PLD5: variants seen among roughly 807,000 people sequenced by gnomAD.
The protein encoded by PLD5 is phospholipase D family member 5, also known as inactive phospholipase D5.
PLD5 carries 36 observed loss-of-function variants against 61.1 expected under a neutral mutation model. The observed-to-expected ratio is 0.59, with a 90% confidence interval of 0.45 to 0.78. PLD5 has a LOEUF of 0.78. Ranked by LOEUF, PLD5 falls within the 30% of genes least tolerant of loss-of-function variation. The pLI is 0.00. For missense variants in PLD5, 515 were observed against 644.4 expected (o/e 0.80, Z 2.17); for synonymous variants, 243 against 242.8 (o/e 1.00, Z -0.01).
chr1:242,284,992 G>A (rs1674936296), intron 3 of PLD5, among the ~76,000 whole-genome samples: 4 of 152,208 alleles, frequency 2.6e-5, no homozygotes, highest in Admixed American at 1.3e-4. Context: ...TTAGGGAGAT[G>A]AGAGGCAGCT....
rs1431537232 is a variant in PLD5, at chr1:242,524,623, G to C, written c.-347C>G. The C allele has an allele frequency of 5.1e-6, 1 of 196,108 alleles. No individual in the cohort carries two copies. The highest frequency in any genetic ancestry group is 1.0e-5 in the Non-Finnish European group (1 of 96,670). The allele number at this position is 196,108 out of a possible 1,614,324, so 12.1% of individuals were successfully genotyped here. A position where few individuals can be genotyped will look rare whatever the true frequency, so the allele number is the denominator to read the frequency against. On this transcript the variant is annotated 5_prime_UTR_variant, in exon 1 of 10. Coordinates refer to ENST00000536534, the MANE Select transcript of PLD5 (RefSeq NM_001372062.1). The stretch of plus-strand genomic sequence containing the variant: ...TGCTCCGGGGAGACAGAAGTGCCCG[G>C]TGCGGCGGCGACGTCGCCCGGCGGC...
At chr1:242,166,099 C>G (rs1360268894) in intron 5 of PLD5, among the ~76,000 whole-genome samples, 1 of 152,178 alleles carries the variant, frequency 6.6e-6, no homozygotes, top group Non-Finnish European at 1.5e-5. Context: ...TCTGAAGAAC[C>G]AGGGGCTATC....
chr1:242,363,213 G>A (rs1200167841), intron 1 of PLD5, among the ~76,000 whole-genome samples: 2 of 151,964 alleles, frequency 1.3e-5, no homozygotes, highest in Non-Finnish European at 2.9e-5. Context: ...AGGCCAGAAA[G>A]AGTTGGCGTT....
intron 1 of PLD5, among the ~76,000 whole-genome samples, chr1:242,435,343 G>T (rs1029876265): frequency 1.9e-4 from 29 of 149,258 alleles, no homozygotes; most frequent in Admixed American, 4.6e-4. Context: ...GTTTCAGCTT[G>T]GCTGCCATAA....
intron 5 of PLD5, among the ~76,000 whole-genome samples, chr1:242,194,062 G>T (rs1029610381): frequency 6.6e-6 from 1 of 152,158 alleles, no homozygotes; most frequent in African/African-American, 2.4e-5. Context: ...TCTGGCCTTG[G>T]AGGTATAAGG....
chr1:242,463,034 C>T (rs1200148540), intron 1 of PLD5, among the ~76,000 whole-genome samples: 1 of 152,200 alleles, frequency 6.6e-6, no homozygotes, highest in Non-Finnish European at 1.5e-5. Flanking sequence ...CCACTACTCA[C>T]TTCCGTGTCA....
At chr1:242,395,111 GAA>G (rs1491200376) in intron 1 of PLD5, among the ~76,000 whole-genome samples, 1 of 146,326 alleles carries the variant, frequency 6.8e-6, no homozygotes, top group African/African-American at 2.5e-5. Flanking sequence ...GTATGTATAT[GAA>G]TATATATGTA....
At chr1:242,145,780 C>A (rs914913435) in intron 5 of PLD5, among the ~76,000 whole-genome samples, 1 of 152,140 alleles carries the variant, frequency 6.6e-6, no homozygotes, top group African/African-American at 2.4e-5. Context: ...TTAAGTGATT[C>A]TCTTGCCTCA....
chr1:242,152,052 T>C (rs1836767), intron 5 of PLD5, among the ~76,000 whole-genome samples: 16,446 of 151,902 alleles, frequency 0.11, 1,427 homozygotes, highest in African/African-American at 0.24. Flanking sequence ...CAAAAATTTA[T>C]TATCATGCAG....
At chr1:242,231,215 C>T (rs1671280640) in intron 4 of PLD5, among the ~76,000 whole-genome samples, 1 of 151,522 alleles carries the variant, frequency 6.6e-6, no homozygotes. Context: ...CTACGGCTTC[C>T]TCCCTCTTCC....
chr1:242,440,908 AAG>A (rs1355092093), intron 1 of PLD5, among the ~76,000 whole-genome samples: 8 of 152,234 alleles, frequency 5.3e-5, no homozygotes, highest in Admixed American at 2.6e-4. Flanking sequence ...ATGAAATACA[AAG>A]AGAACTGGAT....
chr1:242,118,762 A>G (rs1307869588), intron 6 of PLD5, among the ~76,000 whole-genome samples: 1 of 152,174 alleles, frequency 6.6e-6, no homozygotes, highest in Non-Finnish European at 1.5e-5. Flanking sequence ...ATGCATAATT[A>G]TTTGTATCAG....
intron 1 of PLD5, among the ~76,000 whole-genome samples, chr1:242,482,966 T>C (rs1667833470): frequency 6.6e-6 from 1 of 152,132 alleles, no homozygotes; most frequent in Non-Finnish European, 1.5e-5. Flanking sequence ...CTAAGCTTCA[T>C]AAGTGAAGGA....
At chr1:242,267,130 A>T (rs887358384) in intron 3 of PLD5, among the ~76,000 whole-genome samples, 2 of 140,316 alleles carry the variant, frequency 1.4e-5, no homozygotes, top group Admixed American at 1.4e-4. Flanking sequence ...ATAAATAAAT[A>T]AAAAAACAAA....
intron 1 of PLD5, among the ~76,000 whole-genome samples, chr1:242,358,720 A>G (rs1481033734): frequency 6.6e-6 from 1 of 152,214 alleles, no homozygotes; most frequent in Non-Finnish European, 1.5e-5. Context: ...TTGGATTGTG[A>G]TGAATGGACC....
rs542322154 is a variant in PLD5, at chr1:242,457,814, A to G, written c.189+66274T>C. ...CCTTCTACCCTCTGTCACTCCACAG[A>G]CTGTTAAAAACTATACATATTGGGC... On this transcript the variant is annotated intron_variant, in intron 1 of 9. Transcript: ENST00000536534. Among the ~76,000 whole-genome samples, 28 of 152,212 alleles carry G rather than the reference A, an allele frequency of 1.8e-4. 1 individual carries two copies. Among genetic ancestry groups the G allele is most frequent in the African/African-American group, 6.7e-4 (28 of 41,526 alleles).
At chr1:242,162,185 A>AAGATTGAC (rs1408709235) in intron 5 of PLD5, among the ~76,000 whole-genome samples, 1 of 152,206 alleles carries the variant, frequency 6.6e-6, no homozygotes, top group African/African-American at 2.4e-5. Context: ...AAAATGTCAA[A>AAGATTGAC]AGATTGACAT....
chr1:242,364,954 C>G (rs116794177), intron 1 of PLD5, among the ~76,000 whole-genome samples: 3,188 of 136,630 alleles, frequency 0.023, 48 homozygotes, highest in African/African-American at 0.037. Context: ...AATGGATCAA[C>G]TTTTAGCAAT....
intron 7 of PLD5, among the ~76,000 whole-genome samples, chr1:242,109,204 C>T (rs1314388300): frequency 6.6e-6 from 1 of 152,224 alleles, no homozygotes; most frequent in Admixed American, 6.5e-5. Context: ...GTGGGGCCGG[C>T]ACGGTGGCTC....
Sources: allele counts gnomAD v4.1 joint callset (sites outside exome capture counted in the v4.1 genomes callset), GRCh38; gene constraint gnomAD v4.1.1; transcripts MANE v1.5; gene names NCBI Gene and HGNC (gene_info 2026-07-23, HGNC 2026-07-21).